The following PARD3B variants were observed in gnomAD, a reference collection of about 807,000 sequenced individuals.
The protein encoded by PARD3B is par-3 family cell polarity regulator beta.
Under a neutral mutation model 130.2 loss-of-function variants are expected in PARD3B, and 103 were observed. The observed-to-expected ratio is 0.79, with a 90% CI of 0.67 to 0.93. The LOEUF is 0.93. PARD3B is among the 40% of genes least tolerant of loss of function. PARD3B has a pLI of 0.00. For missense variants in PARD3B, 1,609 were observed against 1,499.2 expected, an observed-to-expected ratio of 1.07 and a Z score of -1.21; for synonymous variants, 583 against 553.2, an observed-to-expected ratio of 1.05 and a Z score of -0.76.
At chr2:204,843,406 C>T (rs894503135) in intron 2 of PARD3B, among the ~76,000 whole-genome samples, 6 of 151,968 alleles carry the variant, frequency 3.9e-5, no homozygotes, top group African/African-American at 9.7e-5. Flanking sequence ...CCTCTCCTCT[C>T]CTTTTTCTTT....
At position 205,341,653 on chromosome 2, in the gene PARD3B, G is replaced by A. The variant is rs888802009; in HGVS notation, c.2630+39952G>A. 3.3e-5 allele frequency among the ~76,000 whole-genome samples: 5 copies of A among 152,016 alleles called. No homozygotes were observed. Among genetic ancestry groups the A allele is most frequent in the African/African-American group, 1.2e-4 (5 of 41,434 alleles). On this transcript the variant is annotated intron_variant, in intron 18 of 22. Transcript: ENST00000406610. The surrounding 1 kb of genome is among the most constrained non-coding windows in gnomAD (Gnocchi z 4.3). ...TAACAGACTCAAAATCATAGCTTCC[G>A]ACAGCACTGTTGGTTAAATGTGGTT...
At chr2:204,746,793 C>T (rs1313272562) in intron 2 of PARD3B, among the ~76,000 whole-genome samples, 1 of 152,154 alleles carries the variant, frequency 6.6e-6, no homozygotes, top group Non-Finnish European at 1.5e-5. Context: ...TGAGAAGTGT[C>T]TGTTCATATC....
chr2:204,651,008 C>T (rs1356230587), intron 1 of PARD3B, among the ~76,000 whole-genome samples: 2 of 152,124 alleles, frequency 1.3e-5, no homozygotes, highest in Non-Finnish European at 2.9e-5. Flanking sequence ...GATTCAGTCA[C>T]CTCCCACCAG....
chr2:204,636,542 C>G (rs1296604598), intron 1 of PARD3B, among the ~76,000 whole-genome samples: 1 of 150,800 alleles, frequency 6.6e-6, no homozygotes, highest in African/African-American at 2.4e-5. Context: ...TTTCTTGATG[C>G]CATGTTTATC....
intron 1 of PARD3B, among the ~76,000 whole-genome samples, chr2:204,672,605 T>C (rs2036357681): frequency 6.6e-6 from 1 of 152,244 alleles, no homozygotes; most frequent in Non-Finnish European, 1.5e-5. Context: ...ACAAACAGTT[T>C]CATGGAATGC....
intron 1 of PARD3B, among the ~76,000 whole-genome samples, chr2:204,604,997 C>G (rs902314578): frequency 6.6e-6 from 1 of 151,984 alleles, no homozygotes; most frequent in Non-Finnish European, 1.5e-5. Flanking sequence ...CAGCTGGGAC[C>G]CTCTTTGTGT....
At chr2:205,112,282 A>G (rs1703699660) in intron 5 of PARD3B, among the ~76,000 whole-genome samples, 2 of 152,118 alleles carry the variant, frequency 1.3e-5, no homozygotes, top group South Asian at 4.1e-4. Context: ...TTTCTTAATG[A>G]TAATAGGCTT....
chr2:204,923,972 T>C (rs76374180), intron 2 of PARD3B, among the ~76,000 whole-genome samples: 1,621 of 152,202 alleles, frequency 0.011, 32 homozygotes, highest in African/African-American at 0.037. Flanking sequence ...AACTGTGTTA[T>C]TTGCCTTAGT....
chr2:204,752,628 C>G (rs1006447514), intron 2 of PARD3B, among the ~76,000 whole-genome samples: 8 of 152,144 alleles, frequency 5.3e-5, no homozygotes, highest in African/African-American at 1.9e-4. Context: ...ATTCTAGGAA[C>G]AACTACTACT....
chr2:204,636,113 A>T (rs1478622468), intron 1 of PARD3B, among the ~76,000 whole-genome samples: 2 of 152,124 alleles, frequency 1.3e-5, no homozygotes, highest in Non-Finnish European at 2.9e-5. Context: ...AAATTAATTT[A>T]TGATGTTATA....
chr2:205,418,336 G>A (rs2046851353), intron 19 of PARD3B, among the ~76,000 whole-genome samples: 2 of 152,062 alleles, frequency 1.3e-5, no homozygotes, highest in Admixed American at 1.3e-4. Context: ...CAATAATTCA[G>A]CAAATATTAA....
chr2:205,209,898 A>G (rs1390489815), intron 15 of PARD3B, among the ~76,000 whole-genome samples: 1 of 152,120 alleles, frequency 6.6e-6, no homozygotes, highest in African/African-American at 2.4e-5. Flanking sequence ...TAAAATAACT[A>G]AAGGATTACT....
chr2:204,699,605 C>T (rs372828365), intron 2 of PARD3B, among the ~76,000 whole-genome samples: 2 of 152,012 alleles, frequency 1.3e-5, no homozygotes, highest in Non-Finnish European at 2.9e-5. Flanking sequence ...AAGTAATTTG[C>T]AGATTTAGTG....
chr2:204,988,043 T>C (rs911128877), intron 3 of PARD3B, among the ~76,000 whole-genome samples: 2 of 151,650 alleles, frequency 1.3e-5, no homozygotes, highest in South Asian at 2.1e-4. Flanking sequence ...TAGAGTCCAG[T>C]GGGGGTCATC....
chr2:205,308,605 A>AT (rs1471981347), intron 18 of PARD3B, among the ~76,000 whole-genome samples: 1 of 1,746 alleles, frequency 5.7e-4, no homozygotes, highest in African/African-American at 2.8e-3. Flanking sequence ...ACTCCGTCTC[A>AT]AAAAAAAAAA....
chr2:204,836,010 G>C (rs1209957915), intron 2 of PARD3B, among the ~76,000 whole-genome samples: 1 of 152,204 alleles, frequency 6.6e-6, no homozygotes, highest in Non-Finnish European at 1.5e-5. Context: ...TAAAAAAATT[G>C]TTAAAAACTA....
At chr2:204,622,129 T>G (rs537334300) in intron 1 of PARD3B, among the ~76,000 whole-genome samples, 2 of 152,340 alleles carry the variant, frequency 1.3e-5, no homozygotes, top group South Asian at 4.1e-4. Flanking sequence ...CCCTTCAGTT[T>G]AGGTTCTACC....
At chr2:204,990,014 G>C (rs547275942) in intron 3 of PARD3B, among the ~76,000 whole-genome samples, 1 of 152,056 alleles carries the variant, frequency 6.6e-6, no homozygotes, top group Non-Finnish European at 1.5e-5. Flanking sequence ...GCTTCCCACA[G>C]TAATTTTACT....
chr2:204,572,901 T>G (rs1039822690), intron 1 of PARD3B, among the ~76,000 whole-genome samples: 5 of 152,342 alleles, frequency 3.3e-5, no homozygotes, highest in African/African-American at 1.2e-4. Context: ...GCACCATGTC[T>G]CAGAGAGGCT....
Sources: gnomAD v4.1 joint callset for allele counts (sites outside exome capture counted in the v4.1 genomes callset) on GRCh38, gnomAD v4.1.1 for gene constraint, Gnocchi (gnomAD v3.1) non-coding constraint, MANE v1.5 for transcripts, NCBI Gene and HGNC (gene_info 2026-07-23, HGNC 2026-07-21) for gene names.